MANBA: variants seen among roughly 807,000 people sequenced by gnomAD.
MANBA encodes beta-mannosidase.
In MANBA, 83 loss-of-function variants were observed where a neutral mutation model predicts 111.1. The observed-to-expected ratio is 0.75, with a 90% CI of 0.63 to 0.90. MANBA has a LOEUF of 0.90. MANBA is among the 40% of genes least tolerant of loss of function. The pLI is 0.00. For missense variants in MANBA, 1,036 were observed against 1,069.0 expected, an observed-to-expected ratio of 0.97 and a Z score of 0.43; for synonymous variants, 370 against 378.7, an observed-to-expected ratio of 0.98 and a Z score of 0.27.
At chr4:102,701,732 G>C (rs1280087067) in intron 5 of MANBA, among the ~76,000 whole-genome samples, 1 of 151,900 alleles carries the variant, frequency 6.6e-6, no homozygotes, top group Non-Finnish European at 1.5e-5. Context: ...GAGATCCGCT[G>C]TTAGTCTGAT....
intron 1 of MANBA, among the ~76,000 whole-genome samples, chr4:102,734,987 G>T (rs952588651): frequency 2.0e-5 from 3 of 152,168 alleles, no homozygotes; most frequent in African/African-American, 4.8e-5. Context: ...ATTATCTAAT[G>T]CTGACAAGCC....
chr4:102,689,561 A>G lies in MANBA; in HGVS notation c.960+13T>C. The G allele has an allele frequency of 1.4e-6, 2 of 1,440,100 alleles. No homozygotes were observed. The highest frequency in any genetic ancestry group is 2.4e-5 in the South Asian group (2 of 83,930). The allele number at this position is 1,440,100 out of a possible 1,614,324, so 89.2% of individuals were successfully genotyped here. A position where few individuals can be genotyped will look rare whatever the true frequency, so the allele number is the denominator to read the frequency against. On this transcript the variant is annotated intron_variant, in intron 7 of 16. Coordinates refer to ENST00000647097, the MANE Select transcript of MANBA (RefSeq NM_005908.4). ...AAAATTATTTCACAAAATATTTTAA[A>G]TTACTTACTTACCTTAGCTGATTTT...
At chr4:102,671,938 C>T in intron 8 of MANBA, 1 of 406,812 alleles carries the variant, frequency 2.5e-6, no homozygotes. Context: ...CAGAACAGTG[C>T]TCAAACCAAG....
chr4:102,696,893 T>C (rs1430413523), intron 5 of MANBA, among the ~76,000 whole-genome samples: 1 of 152,204 alleles, frequency 6.6e-6, no homozygotes, highest in Non-Finnish European at 1.5e-5. Flanking sequence ...TATTTTCCGG[T>C]ACTCCTGCCA....
chr4:102,668,014 C>T (rs1217116863), intron 10 of MANBA: 3 of 152,122 alleles, frequency 2.0e-5, no homozygotes, highest in Non-Finnish European at 2.9e-5. Flanking sequence ...ATGATACACT[C>T]ACAAGTTGGT....
At position 102,693,517 on chromosome 4, in the gene MANBA, C is replaced by A. The variant is rs147924091; in HGVS notation, c.674-2746G>T. ...ATCTGTCTGCAAGCCAGGAAACGAG[C>A]CCTCACTGGAAACCAAATGGGCCAA... On this transcript the variant is annotated intron_variant, in intron 5 of 16. Transcript: ENST00000647097. 5.5e-4 allele frequency among the ~76,000 whole-genome samples: 83 copies of A among 152,256 alleles called. 1 individual carries two copies. Among genetic ancestry groups the A allele is most frequent in the African/African-American group, 2.0e-3 (82 of 41,554 alleles).
intron 5 of MANBA, among the ~76,000 whole-genome samples, chr4:102,697,326 G>A (rs1732763024): frequency 6.6e-6 from 1 of 151,868 alleles, no homozygotes; most frequent in Non-Finnish European, 1.5e-5. Context: ...TATCAAATAA[G>A]CAAGACTGAC....
At chr4:102,668,930 G>C (rs1560761539) in intron 10 of MANBA, 33 bp downstream of exon 10, 2 of 1,527,362 alleles carry the variant, frequency 1.3e-6, no homozygotes, top group Non-Finnish European at 1.8e-6. Flanking sequence ...CATATTATTT[G>C]TTTTATTTCT....
At chr4:102,636,916 G>T (rs1209658442) in intron 14 of MANBA, among the ~76,000 whole-genome samples, 2 of 152,120 alleles carry the variant, frequency 1.3e-5, no homozygotes, top group Admixed American at 1.3e-4. Flanking sequence ...ATTCCCATGT[G>T]TTGTAGGAGG....
At chr4:102,657,106 T>G (rs907790337) in intron 12 of MANBA, among the ~76,000 whole-genome samples, 7 of 151,968 alleles carry the variant, frequency 4.6e-5, no homozygotes, top group African/African-American at 1.4e-4. Flanking sequence ...TAAAGCTATT[T>G]TAAGAAGAAC....
At chr4:102,638,419 A>G (rs1729722046) in intron 14 of MANBA, among the ~76,000 whole-genome samples, 1 of 151,816 alleles carries the variant, frequency 6.6e-6, no homozygotes, top group African/African-American at 2.4e-5. Context: ...GCAGAGTGAG[A>G]CCATCTCAAC....
intron 1 of MANBA, among the ~76,000 whole-genome samples, chr4:102,735,860 T>G (rs535777632): frequency 4.7e-4 from 72 of 152,286 alleles, no homozygotes; most frequent in African/African-American, 1.6e-3. Context: ...AGGAAGAAAC[T>G]AAAGCTCCAA....
chr4:102,643,692 T>C (rs1281256528), intron 13 of MANBA, among the ~76,000 whole-genome samples: 1 of 152,232 alleles, frequency 6.6e-6, no homozygotes, highest in African/African-American at 2.4e-5. Flanking sequence ...GGTCATTTTC[T>C]TTAAAGAAGT....
intron 5 of MANBA, among the ~76,000 whole-genome samples, chr4:102,709,449 A>AAGGT (rs1433168101): frequency 6.6e-6 from 1 of 151,668 alleles, no homozygotes; most frequent in Non-Finnish European, 1.5e-5. Context: ...GGAAGGAAGG[A>AAGGT]AGGAAATAGT....
At chr4:102,722,095 G>A (rs1271539882) in intron 4 of MANBA, among the ~76,000 whole-genome samples, 1 of 151,448 alleles carries the variant, frequency 6.6e-6, no homozygotes, top group East Asian at 1.9e-4. Context: ...AAGGGGCTGG[G>A]GAGAAGGAAA....
intron 11 of MANBA, among the ~76,000 whole-genome samples, chr4:102,663,843 C>T (rs1355626210): frequency 2.6e-5 from 4 of 152,042 alleles, no homozygotes; most frequent in Non-Finnish European, 4.4e-5. Context: ...TGCTTTTTCT[C>T]ACAAAAAGGC....
chr4:102,680,817 A>C (rs567073237), intron 7 of MANBA, among the ~76,000 whole-genome samples: 1 of 152,336 alleles, frequency 6.6e-6, no homozygotes, highest in East Asian at 1.9e-4. Context: ...ATTCTGCAGC[A>C]GTTGTTCTGG....
chr4:102,637,524 C>T (rs574652441), intron 14 of MANBA, among the ~76,000 whole-genome samples: 1 of 152,330 alleles, frequency 6.6e-6, no homozygotes, highest in African/African-American at 2.4e-5. Context: ...TGTCCAATCA[C>T]ATTTCTACAT....
rs1421055107 is a variant in MANBA at position 102,723,973 on chromosome 4, AAAAAG to A, written c.273-11_273-7del. ...AATTTACTTTTTGCCATTTGCTAAA[AAAAAG>A]AAAAGATTTTTAAAACAAGATGTGT... On this transcript the variant is annotated splice_polypyrimidine_tract_variant and splice_region_variant and intron_variant, in intron 2 of 16. Coordinates refer to ENST00000647097, the MANE Select transcript of MANBA (RefSeq NM_005908.4). 1.2e-5 allele frequency: 18 copies of A among 1,543,576 alleles called. No individual in the cohort carries two copies. In the East Asian group the frequency reaches 3.8e-4, roughly 33 times the overall value.
Sources: gnomAD v4.1 joint callset for allele counts (sites outside exome capture counted in the v4.1 genomes callset) on GRCh38, gnomAD v4.1.1 for gene constraint, MANE v1.5 for transcripts, NCBI Gene and HGNC (gene_info 2026-07-23, HGNC 2026-07-21) for gene names.